HCRTR2: variants seen among roughly 807,000 people sequenced by gnomAD.
The protein encoded by HCRTR2 is hypocretin receptor 2.
HCRTR2 carries 22 observed loss-of-function variants against 49.0 expected under a neutral mutation model. The observed-to-expected ratio is 0.45, with a 90% CI of 0.32 to 0.64. The LOEUF is 0.64. Ranked by LOEUF, HCRTR2 falls within the 30% of genes least tolerant of loss-of-function variation. HCRTR2 has a pLI of 0.04. For missense variants in HCRTR2, 491 were observed against 559.4 expected, an observed-to-expected ratio of 0.88 and a Z score of 1.23; for synonymous variants, 236 against 205.3, an observed-to-expected ratio of 1.15 and a Z score of -1.28.
chr6:55,186,051 A>G (rs984314284), intron 1 of HCRTR2, among the ~76,000 whole-genome samples: 1 of 152,210 alleles, frequency 6.6e-6, no homozygotes, highest in African/African-American at 2.4e-5. Context: ...GTTTTGTCAT[A>G]GAATTGATTA....
intron 1 of HCRTR2, among the ~76,000 whole-genome samples, chr6:55,149,301 G>A (rs1174244413): frequency 6.6e-6 from 1 of 152,010 alleles, no homozygotes; most frequent in African/African-American, 2.4e-5. Context: ...TCATCAATAT[G>A]TTTCATATTT....
chr6:55,273,072 GA>G (rs1298255028), intron 4 of HCRTR2, among the ~76,000 whole-genome samples: 3 of 151,938 alleles, frequency 2.0e-5, no homozygotes, highest in Non-Finnish European at 4.4e-5. Flanking sequence ...CTCGTTATAA[GA>G]ATTTAGCATG....
At chr6:55,258,090 G>C (rs377079999) in intron 3 of HCRTR2, among the ~76,000 whole-genome samples, 1 of 151,850 alleles carries the variant, frequency 6.6e-6, no homozygotes, top group Admixed American at 6.6e-5. Context: ...TTGTATATGT[G>C]TGATTGTCAC....
At chr6:55,277,647 G>T in intron 5 of HCRTR2, 47 bp downstream of exon 5, 16 of 1,296,374 alleles carry the variant, frequency 1.2e-5, no homozygotes, top group South Asian at 2.5e-5. Flanking sequence ...GCCTTTTCTT[G>T]ATTCTTAATT....
intron 4 of HCRTR2, among the ~76,000 whole-genome samples, chr6:55,264,670 G>C (rs781264798): frequency 6.6e-6 from 1 of 152,096 alleles, no homozygotes; most frequent in Non-Finnish European, 1.5e-5. Context: ...AACACATTTA[G>C]TGGTTTGTAA....
At chr6:55,157,117 ACTC>A (rs1390886238) in intron 1 of HCRTR2, among the ~76,000 whole-genome samples, 1 of 152,150 alleles carries the variant, frequency 6.6e-6, no homozygotes, top group Non-Finnish European at 1.5e-5. Context: ...TACATGGAGA[ACTC>A]CTAGAGATTA....
At chr6:55,144,690 T>C (rs1764555539) in intron 1 of HCRTR2, among the ~76,000 whole-genome samples, 1 of 152,114 alleles carries the variant, frequency 6.6e-6, no homozygotes, top group Non-Finnish European at 1.5e-5. Context: ...ATCTGCTCCC[T>C]CGCCTGCCCA....
intron 1 of HCRTR2, among the ~76,000 whole-genome samples, chr6:55,107,015 T>C (rs1163853744): frequency 6.6e-6 from 1 of 152,164 alleles, no homozygotes; most frequent in Non-Finnish European, 1.5e-5. Flanking sequence ...TTGTAAGTGA[T>C]TGCTATGACT....
chr6:55,180,965 A>ATTTTTTT (rs11441768), intron 1 of HCRTR2, among the ~76,000 whole-genome samples: 1 of 139,356 alleles, frequency 7.2e-6, no homozygotes, highest in African/African-American at 2.7e-5. Context: ...ATGCCCAGCT[A>ATTTTTTT]TTTTTTTTTT....
rs560508544 is a variant in HCRTR2 at position 55,124,301 on chromosome 6, T to C, written c.-378+17756T>C. On this transcript the variant is annotated intron_variant, in intron 1 of 7. Coordinates refer to the HCRTR2 transcript ENST00000615358. ...ACTGCTTTAAATGTGTCACAGAGAT[T>C]CTGGTATGTTATGTCTTCATTCTCA... 6.4e-4 allele frequency among the ~76,000 whole-genome samples: 97 copies of C among 152,282 alleles called. 2 individuals carry two copies. Among genetic ancestry groups the C allele is most frequent in the African/African-American group, 2.3e-3 (95 of 41,560 alleles).
chr6:55,206,066 T>A (rs1393627461), intron 1 of HCRTR2, among the ~76,000 whole-genome samples: 1 of 151,876 alleles, frequency 6.6e-6, no homozygotes, highest in Non-Finnish European at 1.5e-5. Context: ...TTGAAATCAT[T>A]CATTTTTTGG....
At chr6:55,210,034 A>AT (rs1765669835) in intron 1 of HCRTR2, among the ~76,000 whole-genome samples, 1 of 152,148 alleles carries the variant, frequency 6.6e-6, no homozygotes, top group Admixed American at 6.6e-5. Flanking sequence ...AAACTTTTAG[A>AT]TAAAAAAAAC....
intron 1 of HCRTR2, among the ~76,000 whole-genome samples, chr6:55,122,206 C>T (rs1389662615): frequency 2.0e-5 from 3 of 152,028 alleles, no homozygotes; most frequent in African/African-American, 7.2e-5. Context: ...GTGTATGTGT[C>T]GAGGAATTTA....
intron 1 of HCRTR2, among the ~76,000 whole-genome samples, chr6:55,155,331 A>G (rs1764716459): frequency 6.6e-6 from 1 of 151,924 alleles, no homozygotes; most frequent in South Asian, 2.1e-4. Flanking sequence ...CCAAATTTCA[A>G]AGCCTGGTTC....
At chr6:55,221,355 C>T (rs761738636) in intron 1 of HCRTR2, among the ~76,000 whole-genome samples, 10 of 152,084 alleles carry the variant, frequency 6.6e-5, no homozygotes, top group African/African-American at 2.2e-4. Context: ...ACCAGCATAG[C>T]GAGCCCAGAA....
At chr6:55,264,673 G>A (rs1766829742) in intron 4 of HCRTR2, among the ~76,000 whole-genome samples, 1 of 152,014 alleles carries the variant, frequency 6.6e-6, no homozygotes, top group Non-Finnish European at 1.5e-5. Context: ...ACATTTAGTG[G>A]TTTGTAAGAT....
chr6:55,151,242 A>T (rs1251763760), intron 1 of HCRTR2, among the ~76,000 whole-genome samples: 1 of 151,980 alleles, frequency 6.6e-6, no homozygotes, highest in South Asian at 2.1e-4. Context: ...CTAACAAAAA[A>T]TTTCTCTGTG....
chr6:55,198,527 G>T (rs1050090874), intron 1 of HCRTR2, among the ~76,000 whole-genome samples: 4 of 152,014 alleles, frequency 2.6e-5, no homozygotes, highest in African/African-American at 9.7e-5. Flanking sequence ...TTTAAATCTG[G>T]ATCACGACTT....
At chr6:55,145,450 G>T (rs1764567477) in intron 1 of HCRTR2, among the ~76,000 whole-genome samples, 1 of 145,372 alleles carries the variant, frequency 6.9e-6, no homozygotes, top group South Asian at 2.2e-4. Flanking sequence ...TTGCTCAGTC[G>T]CCTAGGCTGG....
Sources: gnomAD v4.1 joint callset for allele counts (sites outside exome capture counted in the v4.1 genomes callset) on GRCh38, gnomAD v4.1.1 for gene constraint, MANE v1.5 for transcripts, NCBI Gene and HGNC (gene_info 2026-07-23, HGNC 2026-07-21) for gene names.